The following ZMAT4 variants were observed in gnomAD, a reference collection of about 807,000 sequenced individuals.
ZMAT4 encodes zinc finger matrin-type protein 4.
In ZMAT4, 17 loss-of-function variants were observed where a neutral mutation model predicts 28.7. The observed-to-expected ratio is 0.59, with a 90% CI of 0.41 to 0.89. The LOEUF (loss-of-function observed/expected upper bound fraction) is 0.89. Among genes scored for constraint, ZMAT4 ranks in the 40% least tolerant of loss-of-function variants. The pLI is 0.00. For missense variants in ZMAT4, 240 were observed against 283.8 expected (o/e 0.85, Z 1.11); for synonymous variants, 117 against 109.2 (o/e 1.07, Z -0.44).
At chr8:40,857,555 C>T (rs1486116377) in intron 1 of ZMAT4, among the ~76,000 whole-genome samples, 1 of 152,160 alleles carries the variant, frequency 6.6e-6, no homozygotes, top group Non-Finnish European at 1.5e-5. Flanking sequence ...GTCCCTTGAA[C>T]TCTCATGCAC....
chr8:40,578,378 A>G (rs552407266), intron 6 of ZMAT4, among the ~76,000 whole-genome samples: 60 of 152,308 alleles, frequency 3.9e-4, no homozygotes, highest in Non-Finnish European at 7.5e-4. Context: ...TCAAAGACCT[A>G]TATTTGTAAG....
chr8:40,813,963 G>A (rs1815430092), intron 2 of ZMAT4, among the ~76,000 whole-genome samples: 1 of 152,130 alleles, frequency 6.6e-6, no homozygotes, highest in Non-Finnish European at 1.5e-5. Context: ...CCTGCAATTG[G>A]AATAGTGACA....
chr8:40,741,231 G>C (rs1027900424), intron 3 of ZMAT4, among the ~76,000 whole-genome samples: 1 of 152,090 alleles, frequency 6.6e-6, no homozygotes, highest in African/African-American at 2.4e-5. Flanking sequence ...GATCACCTGA[G>C]GTCAGGAGTC....
chr8:40,886,979 G>A (rs1465927882), intron 1 of ZMAT4, among the ~76,000 whole-genome samples: 1 of 151,942 alleles, frequency 6.6e-6, no homozygotes, highest in Non-Finnish European at 1.5e-5. Flanking sequence ...AGACCAACCT[G>A]GCTAACATGG....
At chr8:40,702,064 A>C (rs1810173353) in intron 3 of ZMAT4, among the ~76,000 whole-genome samples, 1 of 152,166 alleles carries the variant, frequency 6.6e-6, no homozygotes, top group Non-Finnish European at 1.5e-5. Context: ...TTCAACCCTC[A>C]CTTGCTTTCG....
intron 2 of ZMAT4, among the ~76,000 whole-genome samples, chr8:40,784,749 G>A (rs999260013): frequency 6.6e-5 from 10 of 152,084 alleles, no homozygotes; most frequent in Admixed American, 5.9e-4. Context: ...CTGCTCCCGG[G>A]GTTTGACAAA....
chr8:40,561,103 GC>G (rs1409745344), intron 6 of ZMAT4, among the ~76,000 whole-genome samples: 1 of 152,094 alleles, frequency 6.6e-6, no homozygotes, highest in Non-Finnish European at 1.5e-5. Context: ...TGATTTATAA[GC>G]TTTTCTGTGT....
intron 3 of ZMAT4, among the ~76,000 whole-genome samples, chr8:40,763,224 C>G (rs930741321): frequency 7.2e-5 from 11 of 152,136 alleles, no homozygotes; most frequent in African/African-American, 2.7e-4. Flanking sequence ...GTGTCCATGT[C>G]CCCCAGCGCT....
chr8:40,674,630 T>A lies in ZMAT4; in HGVS notation c.577+74A>T. 4.1e-6 allele frequency: 5 copies of A among 1,215,276 alleles called. No individual in the cohort carries two copies. In the South Asian group the frequency reaches 6.5e-5, roughly 16 times the overall value. The allele number at this position is 1,215,276 out of a possible 1,614,324, so 75.3% of individuals were successfully genotyped here. On this transcript the variant is annotated intron_variant, in intron 5 of 6. Transcript: ENST00000297737. ...ATAATTAAAGCAAGAAGAAGAATCA[T>A]TCCGATTTGTGAAAGCCGCATCTTT...
At chr8:40,649,570 C>A (rs1204091200) in intron 5 of ZMAT4, among the ~76,000 whole-genome samples, 1 of 152,104 alleles carries the variant, frequency 6.6e-6, no homozygotes, top group Non-Finnish European at 1.5e-5. Flanking sequence ...CTGCACCAAG[C>A]AGACCTAATA....
intron 2 of ZMAT4, chr8:40,786,607 C>T (rs1814098169): frequency 3.8e-6 from 4 of 1,044,672 alleles, no homozygotes; most frequent in Non-Finnish European, 3.8e-6. Flanking sequence ...TCTGGTTATT[C>T]TCTTGTGAAA....
At chr8:40,583,233 G>A (rs917622766) in intron 5 of ZMAT4, among the ~76,000 whole-genome samples, 1 of 152,168 alleles carries the variant, frequency 6.6e-6, no homozygotes, top group African/African-American at 2.4e-5. Flanking sequence ...AGATCCAAAT[G>A]GCTAGAGACT....
chr8:40,728,217 C>T lies in ZMAT4; in HGVS notation c.193-30816G>A, dbSNP rs958482917. ...AGCATAGCTTTGCTTGATATTAAAACTTAAGATAAATTTCACTCACATTTC... is the reference window on the plus strand; with the variant it reads ...AGCATAGCTTTGCTTGATATTAAAATTTAAGATAAATTTCACTCACATTTC... On this transcript the variant is annotated intron_variant, in intron 3 of 6. Coordinates refer to ENST00000297737, the MANE Select transcript of ZMAT4 (RefSeq NM_024645.3). 3.3e-5 allele frequency among the ~76,000 whole-genome samples: 5 copies of T among 152,134 alleles called. No homozygotes were observed. The East Asian group carries it at 5.8e-4, about 18-fold the overall frequency.
intron 3 of ZMAT4, among the ~76,000 whole-genome samples, chr8:40,736,010 C>G (rs1811746307): frequency 6.6e-6 from 1 of 152,122 alleles, no homozygotes; most frequent in Non-Finnish European, 1.5e-5. Context: ...TTTAGGAATG[C>G]AGATAAGACA....
At chr8:40,878,814 A>G (rs559201461) in intron 1 of ZMAT4, among the ~76,000 whole-genome samples, 1 of 152,138 alleles carries the variant, frequency 6.6e-6, no homozygotes, top group East Asian at 1.9e-4. Flanking sequence ...CTCTGGGCCC[A>G]TCGTCTCTGC....
At chr8:40,609,365 T>C (rs1036022812) in intron 5 of ZMAT4, among the ~76,000 whole-genome samples, 1 of 152,138 alleles carries the variant, frequency 6.6e-6, no homozygotes, top group African/African-American at 2.4e-5. Flanking sequence ...TGAGCTACTG[T>C]TTCAATCCAC....
At chr8:40,593,033 C>T (rs1804949277) in intron 5 of ZMAT4, among the ~76,000 whole-genome samples, 5 of 152,068 alleles carry the variant, frequency 3.3e-5, no homozygotes, top group Admixed American at 3.3e-4. Context: ...TATTAAATAA[C>T]AATACATGGG....
At chr8:40,536,400 A>G (rs149814202) in intron 6 of ZMAT4, among the ~76,000 whole-genome samples, 108 of 152,280 alleles carry the variant, frequency 7.1e-4, no homozygotes, top group Non-Finnish European at 1.3e-3. Context: ...CTGCAGCCTC[A>G]TCACACTGGT....
intron 5 of ZMAT4, among the ~76,000 whole-genome samples, chr8:40,641,404 G>T (rs957159260): frequency 2.6e-5 from 4 of 152,132 alleles, no homozygotes; most frequent in Non-Finnish European, 5.9e-5. Context: ...TTAGACAAAT[G>T]GGAATGAAAG....
Sources: allele counts gnomAD v4.1 joint callset (sites outside exome capture counted in the v4.1 genomes callset), GRCh38; gene constraint gnomAD v4.1.1; transcripts MANE v1.5; gene names NCBI Gene and HGNC (gene_info 2026-07-23, HGNC 2026-07-21).